PRDM5: variants seen among roughly 807,000 people sequenced by gnomAD.
PRDM5 encodes PR/SET domain 5, also known as PR domain zinc finger protein 5.
In PRDM5, 56 loss-of-function variants were observed where a neutral mutation model predicts 81.2. The observed-to-expected ratio is 0.69, with a 90% CI of 0.56 to 0.86. The LOEUF (loss-of-function observed/expected upper bound fraction) is 0.86, where lower values mean the gene tolerates loss of function less well. Ranked by LOEUF, PRDM5 falls within the 40% of genes least tolerant of loss-of-function variation. The probability of loss-of-function intolerance (pLI) is 0.00; values close to 1 mark genes in which losing one functional copy is unlikely to be tolerated. For synonymous variants in PRDM5, 267 were observed against 256.4 expected, an observed-to-expected ratio of 1.04 and a Z score of -0.39; for missense variants, 697 against 770.1, an observed-to-expected ratio of 0.91 and a Z score of 1.12.
intron 3 of PRDM5, chr4:120,837,327 T>G (rs1249659420): frequency 6.6e-6 from 1 of 152,248 alleles, no homozygotes. Context: ...TTTTTTATGT[T>G]TTTTCTGTTT....
chr4:120,905,257 C>T (rs1376771501), intron 2 of PRDM5, among the ~76,000 whole-genome samples: 3 of 152,272 alleles, frequency 2.0e-5, no homozygotes, highest in Admixed American at 6.5e-5. Flanking sequence ...TCCTCACCCC[C>T]AGCAGTTTCA....
chr4:120,899,964 T>G (rs2148656933), intron 2 of PRDM5, among the ~76,000 whole-genome samples: 2 of 152,254 alleles, frequency 1.3e-5, no homozygotes, highest in South Asian at 4.1e-4. Flanking sequence ...TTCCAAAGAA[T>G]ACAGGTGAAC....
intron 2 of PRDM5, among the ~76,000 whole-genome samples, chr4:120,886,124 GT>G (rs1185327294): frequency 6.6e-6 from 1 of 152,132 alleles, no homozygotes; most frequent in Non-Finnish European, 1.5e-5. Context: ...TATGACATTT[GT>G]TTTAGGAGTT....
At chr4:120,731,202 G>A (rs78055200) in intron 14 of PRDM5, among the ~76,000 whole-genome samples, 1 of 152,126 alleles carries the variant, frequency 6.6e-6, no homozygotes. Context: ...ATGAGCAAGA[G>A]ATTTTTACAG....
rs149453970 is a variant in PRDM5, at chr4:120,766,343, G to A, written c.1537+10845C>T. 4.2e-4 allele frequency among the ~76,000 whole-genome samples: 64 copies of A among 152,290 alleles called. No homozygotes were observed. In the East Asian group the frequency reaches 0.012, roughly 29 times the overall value. ...AACTCATTAATGTTCATTCAAGAAG[G>A]AAATAAATAGAATGGAGTTTGAAGC... On this transcript the variant is annotated intron_variant, in intron 13 of 15. Transcript: ENST00000264808.
chr4:120,731,014 G>T (rs1185756079), intron 14 of PRDM5, among the ~76,000 whole-genome samples: 1 of 152,168 alleles, frequency 6.6e-6, no homozygotes, highest in African/African-American at 2.4e-5. Context: ...GCCCTTAAGA[G>T]TTTCCCTTGC....
chr4:120,868,418 C>T (rs1761441293), intron 2 of PRDM5, among the ~76,000 whole-genome samples: 1 of 152,044 alleles, frequency 6.6e-6, no homozygotes, highest in Non-Finnish European at 1.5e-5. Context: ...TACATAAGTA[C>T]AAGTCAGGAT....
chr4:120,818,874 T>A (rs1380259682), intron 4 of PRDM5, among the ~76,000 whole-genome samples: 1 of 152,140 alleles, frequency 6.6e-6, no homozygotes, highest in Non-Finnish European at 1.5e-5. Flanking sequence ...ATTTTTACCT[T>A]CACAAGGAGA....
chr4:120,816,475 T>C lies in PRDM5; in HGVS notation c.843A>G (p.Arg281=), dbSNP rs1311948664. 1 of 1,614,168 alleles carries C rather than the reference T, an allele frequency of 6.2e-7. No homozygotes were observed. The highest frequency in any genetic ancestry group is 1.3e-5 in the African/African-American group (1 of 75,048). The change falls in exon 7 of 16, where the codon AGA becomes AGG. Residue 281 remains arginine, a synonymous_variant. Transcript: ENST00000264808. ...CACCAGTGTGGACATTTTCCTGGTG[T>C]CTTTTCAGGGCATCCTTGCTCTTCA... ...KRLKSKDALK[R]HQENVHTGDP...
chr4:120,872,865 C>A (rs1309298436), intron 2 of PRDM5, among the ~76,000 whole-genome samples: 1 of 152,082 alleles, frequency 6.6e-6, no homozygotes, highest in East Asian at 1.9e-4. Context: ...TATAGAGTTT[C>A]CGATCTGCAA....
At chr4:120,714,825 A>G (rs1004285116) in intron 14 of PRDM5, among the ~76,000 whole-genome samples, 1 of 151,616 alleles carries the variant, frequency 6.6e-6, no homozygotes, top group Non-Finnish European at 1.5e-5. Context: ...GATGCTATCA[A>G]TCAAAGACTG....
intron 7 of PRDM5, among the ~76,000 whole-genome samples, chr4:120,811,674 G>A (rs1316680828): frequency 6.6e-6 from 1 of 151,742 alleles, no homozygotes; most frequent in African/African-American, 2.4e-5. Flanking sequence ...TGTATATAGG[G>A]GAGCCTTCAG....
chr4:120,888,356 A>C (rs747279923), intron 2 of PRDM5, among the ~76,000 whole-genome samples: 17 of 152,204 alleles, frequency 1.1e-4, no homozygotes, highest in African/African-American at 4.8e-5. Flanking sequence ...ACTTTAGCTA[A>C]AGGGAATCAA....
chr4:120,782,784 A>G (rs1749226293), intron 11 of PRDM5, among the ~76,000 whole-genome samples: 1 of 152,142 alleles, frequency 6.6e-6, no homozygotes, highest in Non-Finnish European at 1.5e-5. Context: ...TAATGTTAAT[A>G]TCAAATCGAT....
chr4:120,910,517 T>C (rs1047726227), intron 1 of PRDM5, among the ~76,000 whole-genome samples: 3 of 152,258 alleles, frequency 2.0e-5, no homozygotes, highest in Non-Finnish European at 4.4e-5. Context: ...ATTACAATTT[T>C]ATTTTTATTC....
intron 3 of PRDM5, among the ~76,000 whole-genome samples, chr4:120,831,892 CTT>C (rs1756763507): frequency 6.6e-6 from 1 of 152,082 alleles, no homozygotes; most frequent in Middle Eastern, 3.2e-3. Context: ...CTTTTATTAA[CTT>C]AACATGAATT....
intron 1 of PRDM5, among the ~76,000 whole-genome samples, chr4:120,908,965 A>G (rs1470653903): frequency 6.6e-6 from 1 of 152,182 alleles, no homozygotes; most frequent in Non-Finnish European, 1.5e-5. Flanking sequence ...TCTCTCCTCC[A>G]GATGGGACCT....
chr4:120,717,358 T>A (rs1367898766), intron 14 of PRDM5, among the ~76,000 whole-genome samples: 1 of 152,188 alleles, frequency 6.6e-6, no homozygotes, highest in Non-Finnish European at 1.5e-5. Context: ...CAAACAATAC[T>A]TGGCAGATTT....
rs1754452012 is a variant in PRDM5, at chr4:120,816,132, T to C, written c.865+321A>G. 5 of 323,340 alleles carry C rather than the reference T, an allele frequency of 1.5e-5. No homozygotes were observed. In the South Asian group the frequency reaches 1.6e-4, roughly 10 times the overall value. The allele number at this position is 323,340 out of a possible 1,614,324, so 20.0% of individuals were successfully genotyped here. On this transcript the variant is annotated intron_variant, in intron 7 of 15. Transcript: ENST00000264808. ...AAATTTTAACAATTTATAAAAGAAA[T>C]GTCACATGCCAAAACATTTAAAATT...
Sources: gnomAD v4.1 joint callset for allele counts (sites outside exome capture counted in the v4.1 genomes callset) on GRCh38, gnomAD v4.1.1 for gene constraint, MANE v1.5 for transcripts, NCBI Gene and HGNC (gene_info 2026-07-23, HGNC 2026-07-21) for gene names.